The following EYS variants were observed in gnomAD, a reference collection of about 807,000 sequenced individuals.
The protein encoded by EYS is EGF-like photoreceptor maintenance factor, also known as protein eyes shut homolog.
A neutral mutation model predicts 282.1 loss-of-function variants in EYS; 250 were observed. The observed-to-expected ratio is 0.89, with a 90% CI of 0.80 to 0.98. The LOEUF (loss-of-function observed/expected upper bound fraction) is 0.98. Among genes scored for constraint, EYS ranks in the 50% least tolerant of loss-of-function variants. The probability of loss-of-function intolerance (pLI) is 0.00; values close to 1 mark genes in which losing one functional copy is unlikely to be tolerated. For missense variants in EYS, 4,016 were observed against 3,709.0 expected (o/e 1.08, Z -2.15); for synonymous variants, 1,355 against 1,282.9 (o/e 1.06, Z -1.20).
intron 2 of EYS, among the ~76,000 whole-genome samples, chr6:65,583,010 T>C (rs1764920102): frequency 6.6e-6 from 1 of 152,080 alleles, no homozygotes; most frequent in South Asian, 2.1e-4. Flanking sequence ...ATCACAGTAA[T>C]GGCAAGCGGA....
In EYS at chr6:65,234,218, C is replaced by T. The variant is rs538920480; in HGVS notation, c.2023+61645G>A. ...GGCCAGCCTCTCCTGTGGGCAGAAC[C>T]TCCTGCCACAGCATCAGAGCTGGGT... On this transcript the variant is annotated intron_variant, in intron 12 of 42. Coordinates refer to ENST00000503581, the MANE Select transcript of EYS (RefSeq NM_001142800.2). Among the ~76,000 whole-genome samples the T allele has an allele frequency of 1.4e-4, 22 of 152,350 alleles. No individual in the cohort carries two copies. In the South Asian group the frequency reaches 3.1e-3, roughly 22 times the overall value.
intron 26 of EYS, among the ~76,000 whole-genome samples, chr6:64,454,710 C>G (rs1157817624): frequency 2.0e-5 from 3 of 152,050 alleles, no homozygotes; most frequent in Non-Finnish European, 2.9e-5. Context: ...GTAGTGCCAA[C>G]TGCATTACTT....
intron 26 of EYS, among the ~76,000 whole-genome samples, chr6:64,578,597 TTG>T (rs144119735): frequency 0.095 from 14,054 of 147,634 alleles, 726 homozygotes; most frequent in Non-Finnish European, 0.12. Flanking sequence ...CTCTCTCTCT[TTG>T]TGTGTGTGTG....
chr6:65,526,677 G>A (rs1767578775), intron 2 of EYS, among the ~76,000 whole-genome samples: 2 of 152,136 alleles, frequency 1.3e-5, no homozygotes, highest in Admixed American at 1.3e-4. Context: ...GTGGTGTCGG[G>A]CGCCTGTAGT....
At chr6:64,689,843 C>T (rs1770305725) in intron 22 of EYS, among the ~76,000 whole-genome samples, 1 of 151,830 alleles carries the variant, frequency 6.6e-6, no homozygotes, top group African/African-American at 2.4e-5. Flanking sequence ...GGATTAAAGA[C>T]CTAAATGTTA....
intron 35 of EYS, among the ~76,000 whole-genome samples, chr6:63,930,169 A>G (rs1183735527): frequency 1.3e-5 from 2 of 152,200 alleles, no homozygotes; most frequent in East Asian, 1.9e-4. Context: ...TGATGGATGT[A>G]TTACTTAGCC....
intron 21 of EYS, 133 bp downstream of exon 21, chr6:64,821,512 G>T: frequency 4.0e-6 from 2 of 498,046 alleles, no homozygotes; most frequent in Middle Eastern, 5.3e-4. Context: ...GAATTACACA[G>T]AGGAAAGATG....
intron 26 of EYS, among the ~76,000 whole-genome samples, chr6:64,506,614 T>A (rs1322623455): frequency 3.9e-5 from 6 of 152,136 alleles, no homozygotes. Context: ...TTAACTAATT[T>A]AAAACTGCCT....
chr6:64,748,357 C>T (rs1002461036), intron 22 of EYS, among the ~76,000 whole-genome samples: 2 of 152,192 alleles, frequency 1.3e-5, no homozygotes, highest in Non-Finnish European at 2.9e-5. Flanking sequence ...TTTCCACAGA[C>T]AGGGTGAGGA....
At chr6:65,092,367 A>T (rs1489685764) in intron 12 of EYS, among the ~76,000 whole-genome samples, 2 of 152,172 alleles carry the variant, frequency 1.3e-5, no homozygotes, top group Non-Finnish European at 2.9e-5. Flanking sequence ...TAACATTATG[A>T]TTTCTGTGAC....
chr6:65,015,359 A>G (rs1772008946), intron 13 of EYS, among the ~76,000 whole-genome samples: 1 of 152,220 alleles, frequency 6.6e-6, no homozygotes, highest in African/African-American at 2.4e-5. Context: ...GATGTGTTAA[A>G]TGAAGTTCAC....
intron 31 of EYS, among the ~76,000 whole-genome samples, chr6:64,186,343 A>C (rs571393251): frequency 8.0e-4 from 122 of 152,214 alleles, no homozygotes; most frequent in African/African-American, 2.9e-3. Context: ...TGGGAGCCAA[A>C]TGCAATATAC....
At chr6:64,135,753 A>C (rs116797188) in intron 31 of EYS, among the ~76,000 whole-genome samples, 1,659 of 152,250 alleles carry the variant, frequency 0.011, 26 homozygotes, top group African/African-American at 0.037. Flanking sequence ...TAAAAACAGC[A>C]TATATGCCTT....
chr6:64,805,247 C>A (rs1764389410), intron 22 of EYS, among the ~76,000 whole-genome samples: 1 of 151,886 alleles, frequency 6.6e-6, no homozygotes, highest in Non-Finnish European at 1.5e-5. Flanking sequence ...ATTGTATCCC[C>A]AAATGGAATA....
chr6:64,706,290 C>G (rs183317057), intron 22 of EYS, among the ~76,000 whole-genome samples: 1 of 152,240 alleles, frequency 6.6e-6, no homozygotes, highest in Admixed American at 6.5e-5. Flanking sequence ...GAAACTGGAT[C>G]CTCATCTCTC....
rs150472603 is a variant in EYS, at chr6:64,177,878, C to T, written c.6424+52714G>A. 5.6e-3 allele frequency among the ~76,000 whole-genome samples: 854 copies of T among 152,182 alleles called. 3 individuals are homozygous for T. The highest frequency in any genetic ancestry group is 9.7e-3 in the Non-Finnish European group (660 of 67,984). On this transcript the variant is annotated intron_variant, in intron 31 of 42. Transcript: ENST00000503581. ...CCAGAAGGTTTTCCCCTTTTGGGGG[C>T]GACATTAAACTCTCACATCTTTAGG...
chr6:65,044,523 A>G (rs1433083288), intron 13 of EYS, among the ~76,000 whole-genome samples: 1 of 151,770 alleles, frequency 6.6e-6, no homozygotes, highest in East Asian at 1.9e-4. Flanking sequence ...AAATATTCTG[A>G]GGATGAAGTC....
At chr6:63,899,859 GAATA>G (rs1390918855) in intron 35 of EYS, among the ~76,000 whole-genome samples, 1 of 152,132 alleles carries the variant, frequency 6.6e-6, no homozygotes, top group African/African-American at 2.4e-5. Context: ...AATGTTTGTT[GAATA>G]AATAGATTCC....
chr6:65,433,375 T>C (rs1016484354), intron 5 of EYS, among the ~76,000 whole-genome samples: 1 of 152,038 alleles, frequency 6.6e-6, no homozygotes, highest in African/African-American at 2.4e-5. Flanking sequence ...CTCCATTCAT[T>C]CCGGGTCTTA....
Sources: gnomAD v4.1 joint callset for allele counts (sites outside exome capture counted in the v4.1 genomes callset) on GRCh38, gnomAD v4.1.1 for gene constraint, MANE v1.5 for transcripts, NCBI Gene and HGNC (gene_info 2026-07-23, HGNC 2026-07-21) for gene names.